Variants in GIT2 observed in about 807,000 individuals in gnomAD.
The protein encoded by GIT2 is GIT ArfGAP 2, also known as ARF GTPase-activating protein GIT2.
In GIT2, 32 loss-of-function variants were observed where a neutral mutation model predicts 100.3. The ratio of observed to expected loss-of-function variants is 0.32; its 90% CI spans 0.24 to 0.43. The LOEUF (loss-of-function observed/expected upper bound fraction) is 0.43, where lower values mean the gene tolerates loss of function less well. Among genes scored for constraint, GIT2 ranks in the 20% least tolerant of loss-of-function variants. GIT2 has a pLI of 1.00. For synonymous variants in GIT2, 353 were observed against 364.1 expected (o/e 0.97, Z 0.35); for missense variants, 737 against 975.1 (o/e 0.76, Z 3.25).
intron 2 of GIT2, among the ~76,000 whole-genome samples, chr12:109,990,978 C>G (rs1279996445): frequency 6.6e-6 from 1 of 152,174 alleles, no homozygotes; most frequent in Non-Finnish European, 1.5e-5. Context: ...GATTCTCAGG[C>G]AGTAGCCTTC....
intron 8 of GIT2, among the ~76,000 whole-genome samples, chr12:109,966,401 CGG>C: frequency 6.8e-6 from 1 of 146,766 alleles, no homozygotes; most frequent in Middle Eastern, 3.8e-3. Context: ...CCCAGCAACT[CGG>C]GAGGCGGAGA....
Position 109,965,522 on chromosome 12 carries a change from T to C in GIT2, c.816+4A>G. The C allele has an allele frequency of 6.4e-7, 1 of 1,562,808 alleles. No homozygotes were observed. The highest frequency in any genetic ancestry group is 8.8e-7 in the Non-Finnish European group (1 of 1,135,748). ...AGAGAAAACCAGTACAGAGAAATAC[T>C]CACAGATTGAAGTTTCTTCTTAGCA... is the stretch of plus-strand genomic sequence containing the variant. On this transcript the variant is annotated splice_donor_region_variant and intron_variant, in intron 9 of 19. Coordinates refer to ENST00000355312, the MANE Select transcript of GIT2 (RefSeq NM_057169.5).
chr12:109,992,985 A>C (rs1466601044), intron 1 of GIT2, among the ~76,000 whole-genome samples: 1 of 152,044 alleles, frequency 6.6e-6, no homozygotes, highest in Non-Finnish European at 1.5e-5. Flanking sequence ...TAATTGTTTT[A>C]CATAAACTAC....
intron 1 of GIT2, among the ~76,000 whole-genome samples, chr12:109,993,143 A>T (rs532966802): frequency 6.6e-6 from 1 of 152,256 alleles, no homozygotes; most frequent in East Asian, 1.9e-4. Context: ...GAGCTTCATT[A>T]GCTGTCCTTT....
rs543815873 is a variant in GIT2 at position 109,994,919 on chromosome 12, C to G, written c.52+1254G>C. Among the ~76,000 whole-genome samples the G allele has an allele frequency of 1.4e-4, 22 of 152,330 alleles. 1 individual carries two copies. Among genetic ancestry groups the G allele is most frequent in the East Asian group, 7.7e-4 (4 of 5,186 alleles). ...TTCTTTTTAAACTCCTCCATACCCC[C>G]TCCCTATCTTCAAAGGAAACTGGTA... On this transcript the variant is annotated intron_variant, in intron 1 of 19. Coordinates refer to ENST00000355312, the MANE Select transcript of GIT2 (RefSeq NM_057169.5).
At chr12:109,987,118 C>T (rs1887550972) in intron 4 of GIT2, among the ~76,000 whole-genome samples, 1 of 151,988 alleles carries the variant, frequency 6.6e-6, no homozygotes, top group Non-Finnish European at 1.5e-5. Flanking sequence ...CGCGGTGGCT[C>T]CTGCCTGTAA....
intron 1 of GIT2, among the ~76,000 whole-genome samples, chr12:109,995,938 C>A (rs1889309227): frequency 1.3e-5 from 2 of 152,128 alleles, no homozygotes; most frequent in Non-Finnish European, 2.9e-5. Flanking sequence ...TGGCCTAGGA[C>A]GGAGGGAACG....
intron 4 of GIT2, among the ~76,000 whole-genome samples, chr12:109,986,030 C>T (rs955903300): frequency 6.6e-6 from 1 of 151,440 alleles, no homozygotes; most frequent in Non-Finnish European, 1.5e-5. Context: ...GAGACTCTGT[C>T]GTTTAGGCTG....
intron 12 of GIT2, 127 bp downstream of exon 12, chr12:109,959,719 AC>A (rs1186570024): frequency 3.1e-6 from 2 of 638,140 alleles, no homozygotes; most frequent in African/African-American, 1.8e-5. Flanking sequence ...AAGTAAAAAA[AC>A]AAACAAAAAA....
At chr12:109,949,548 C>T (rs1452805972) in intron 14 of GIT2, among the ~76,000 whole-genome samples, 1 of 152,192 alleles carries the variant, frequency 6.6e-6, no homozygotes, top group Non-Finnish European at 1.5e-5. Context: ...AACCAGGCTA[C>T]ACTTTTTTAT....
Position 109,947,479 on chromosome 12 carries a change from G to A in GIT2, c.1418C>T (p.Ser473Leu), listed in dbSNP as rs767544250. The change falls in exon 15 of 20, where the codon TCG becomes TTG. Residue 473 changes from serine (S) to leucine (L), a missense_variant. Physicochemically the swap from Ser to Leu is moderately radical, Grantham distance 145 (BLOSUM62 -2). Transcript: ENST00000355312. This position sits in a 1 kb window ranked among gnomAD's most constrained non-coding sequence, Gnocchi z 4.3. Reference sequence around the variant, plus strand: ...GGTTGTGGCCTGTTTCCTGAGGTTCGAATTTTCACTCTGGAGTGTTTGAAG... The same window carrying A: ...GGTTGTGGCCTGTTTCCTGAGGTTCAAATTTTCACTCTGGAGTGTTTGAAG... ...KKLQTLQSENSNLRKQATTNV... is the reference protein window; with the variant it reads ...KKLQTLQSENLNLRKQATTNV... 2 of 1,613,796 alleles carry A rather than the reference G, an allele frequency of 1.2e-6. No individual in the cohort carries two copies. The highest frequency in any genetic ancestry group is 2.2e-5 in the East Asian group (1 of 44,882).
intron 7 of GIT2, among the ~76,000 whole-genome samples, chr12:109,969,193 G>A (rs1161750360): frequency 1.2e-5 from 1 of 80,310 alleles, no homozygotes; most frequent in Non-Finnish European, 2.5e-5. Flanking sequence ...TTGAGATGGA[G>A]TTTTGTTCTT....
Position 109,951,217 on chromosome 12 carries a change from T to C in GIT2, c.1342A>G (p.Met448Val). ...VASEAKIQQL[M>V]KVNNNLSDEL... ...TCACTCAAGTTGTTATTCACCTTCATTAGCTGCTGTATCTTGGCCTCAGAA... is the reference window on the plus strand; with the variant it reads ...TCACTCAAGTTGTTATTCACCTTCACTAGCTGCTGTATCTTGGCCTCAGAA... The change falls in exon 14 of 20, where the codon ATG becomes GTG. Residue 448 changes from methionine (M) to valine (V), a missense_variant. By Grantham distance (21) the Met-to-Val change is conservative. Around this residue, in one of 3 missense-constraint regions of GIT2, gnomAD observed 451 missense variants for 543.7 expected, o/e 0.83. Transcript: ENST00000355312. 1 of 1,613,396 alleles carries C rather than the reference T, an allele frequency of 6.2e-7. No individual in the cohort carries two copies. The highest frequency in any genetic ancestry group is 8.5e-7 in the Non-Finnish European group (1 of 1,179,428).
intron 4 of GIT2, 171 bp from the exon 5 acceptor site, chr12:109,983,865 G>A: frequency 3.5e-6 from 2 of 567,612 alleles, no homozygotes; most frequent in South Asian, 2.1e-5. Flanking sequence ...ACTGTCCCTG[G>A]GCTGTAAGGT....
Position 109,938,636 on chromosome 12 carries a change from C to CA in GIT2, c.1815-69dup. On this transcript the variant is annotated intron_variant, in intron 17 of 19. Coordinates refer to ENST00000355312, the MANE Select transcript of GIT2 (RefSeq NM_057169.5). ...CAGCTGCCCCTCTGCTTCTAGGAGC[C>CA]ACTTTGTATGCACTGGCTAAATGCA... 2.6e-6 allele frequency: 3 copies of CA among 1,142,906 alleles called. No homozygotes were observed. The Middle Eastern group carries it at 9.2e-4, about 352-fold the overall frequency. The allele number at this position is 1,142,906 out of a possible 1,614,324, so 70.8% of individuals were successfully genotyped here. A position where few individuals can be genotyped will look rare whatever the true frequency, so the allele number is the denominator to read the frequency against.
chr12:109,987,164 C>T (rs981747617), intron 4 of GIT2, among the ~76,000 whole-genome samples: 6 of 151,568 alleles, frequency 4.0e-5, no homozygotes, highest in Non-Finnish European at 8.8e-5. Flanking sequence ...GGGAGGATCA[C>T]GAGGTCAGGA....
In GIT2 at chr12:109,996,161, G is replaced by C; in HGVS notation, c.52+12C>G. ...AAAGCAGAGGGGAGCGGGCCCGGCCGGTGCGACTCACCCGGCCCGCTGCAG... is the reference window on the plus strand; with the variant it reads ...AAAGCAGAGGGGAGCGGGCCCGGCCCGTGCGACTCACCCGGCCCGCTGCAG... On this transcript the variant is annotated intron_variant, in intron 1 of 19. Coordinates refer to ENST00000355312, the MANE Select transcript of GIT2 (RefSeq NM_057169.5). 2 of 1,503,644 alleles carry C rather than the reference G, an allele frequency of 1.3e-6. No homozygotes were observed. Among genetic ancestry groups the C allele is most frequent in the Admixed American group, 2.1e-5 (1 of 48,118 alleles). 93.1% of individuals were successfully genotyped at this position (1,503,644 alleles called of 1,614,324 possible).
rs1323643309 is a variant in GIT2 at position 109,996,352 on chromosome 12, C to A, written c.-128G>T. On this transcript the variant is annotated 5_prime_UTR_variant, in exon 1 of 20. Coordinates refer to ENST00000355312, the MANE Select transcript of GIT2 (RefSeq NM_057169.5). ...GACGGCGGCGCCTCTCCCCTCAGCG[C>A]CTTGCAGCCTTGGCACAGCACGCAC... is the stretch of plus-strand genomic sequence containing the variant. 2 of 625,184 alleles carry A rather than the reference C, an allele frequency of 3.2e-6. No homozygotes were observed. Among genetic ancestry groups the A allele is most frequent in the Non-Finnish European group, 5.4e-6 (2 of 370,438 alleles). 38.7% of individuals were successfully genotyped at this position (625,184 alleles called of 1,614,324 possible). A position where few individuals can be genotyped will look rare whatever the true frequency, so the allele number is the denominator to read the frequency against.
chr12:109,992,694 C>A (rs1888648934), intron 1 of GIT2, among the ~76,000 whole-genome samples: 1 of 151,634 alleles, frequency 6.6e-6, no homozygotes, highest in African/African-American at 2.4e-5. Flanking sequence ...TGTTTTGAGA[C>A]AGAGTCTCAC....
Sources: gnomAD v4.1 joint callset for allele counts (sites outside exome capture counted in the v4.1 genomes callset) on GRCh38, gnomAD v4.1.1 for gene constraint, gnomAD v4.1.1 regional missense constraint, Gnocchi (gnomAD v3.1) non-coding constraint, MANE v1.5 for transcripts, NCBI Gene and HGNC (gene_info 2026-07-23, HGNC 2026-07-21) for gene names.